Variants in ZC2HC1A observed in about 807,000 individuals in gnomAD.
ZC2HC1A encodes zinc finger C2HC domain-containing protein 1A.
Under a neutral mutation model 40.7 loss-of-function variants are expected in ZC2HC1A, and 28 were observed. The observed-to-expected ratio is 0.69, with a 90% CI of 0.51 to 0.94. ZC2HC1A has a LOEUF of 0.94. Among genes scored for constraint, ZC2HC1A ranks in the 40% least tolerant of loss-of-function variants. The pLI is 0.00. For synonymous variants in ZC2HC1A, 129 were observed against 129.2 expected, an observed-to-expected ratio of 1.00 and a Z score of 0.01; for missense variants, 389 against 386.3, an observed-to-expected ratio of 1.01 and a Z score of -0.06.
intron 1 of ZC2HC1A, among the ~76,000 whole-genome samples, chr8:78,674,423 G>A (rs1434154903): frequency 6.6e-6 from 1 of 152,162 alleles, no homozygotes; most frequent in Admixed American, 6.5e-5. Context: ...TGATGTTACT[G>A]AGACCATCAT....
At chr8:78,666,431 C>T (rs987049606) in intron 1 of ZC2HC1A, among the ~76,000 whole-genome samples, 6 of 152,224 alleles carry the variant, frequency 3.9e-5, no homozygotes, top group Non-Finnish European at 8.8e-5. Context: ...GACGCCTGCA[C>T]GTCTCTTCCT....
In ZC2HC1A at chr8:78,718,715, A is replaced by G. The variant is rs1811178327; in HGVS notation, c.*1222A>G. ...TTTTTCTCTTTAACCTGATCACGAC[A>G]CAGCTCTTAATCATTGTCACTTTCA... On this transcript the variant is annotated 3_prime_UTR_variant, in exon 9 of 9. Coordinates refer to ENST00000263849, the MANE Select transcript of ZC2HC1A (RefSeq NM_016010.3). The G allele has an allele frequency of 1.3e-5, 2 of 152,014 alleles. No homozygotes were observed. Among genetic ancestry groups the G allele is most frequent in the South Asian group, 4.1e-4 (2 of 4,834 alleles). The allele number at this position is 152,014 out of a possible 1,614,324, so 9.4% of individuals were successfully genotyped here.
chr8:78,704,344 C>T (rs1366219334), intron 7 of ZC2HC1A, among the ~76,000 whole-genome samples: 4 of 148,164 alleles, frequency 2.7e-5, no homozygotes, highest in Non-Finnish European at 4.4e-5. Flanking sequence ...GCCGAGATTG[C>T]GCCATTGTAC....
chr8:78,666,181 A>T lies in ZC2HC1A; in HGVS notation c.16+17A>T. Reference sequence around the variant, plus strand: ...GACTGGAAGGTGAGGCGATGAAGGGATGAGGGCAGGACGGCTAGAGCGGGC... The same window carrying T: ...GACTGGAAGGTGAGGCGATGAAGGGTTGAGGGCAGGACGGCTAGAGCGGGC... On this transcript the variant is annotated intron_variant, in intron 1 of 8. Coordinates refer to ENST00000263849, the MANE Select transcript of ZC2HC1A (RefSeq NM_016010.3). The T allele has an allele frequency of 1.3e-6, 2 of 1,573,590 alleles. No individual in the cohort carries two copies. Among genetic ancestry groups the T allele is most frequent in the South Asian group, 1.2e-5 (1 of 85,538 alleles).
intron 7 of ZC2HC1A, 72 bp downstream of exon 7, chr8:78,698,585 A>C (rs1027932785): frequency 4.2e-6 from 5 of 1,177,886 alleles, no homozygotes; most frequent in Non-Finnish European, 5.8e-6. Context: ...ATGTTTTGAT[A>C]ATTGCTTTTT....
chr8:78,678,507 T>C, intron 2 of ZC2HC1A, 56 bp from the exon 3 acceptor site: 1 of 1,371,830 alleles, frequency 7.3e-7, no homozygotes, highest in Non-Finnish European at 1.0e-6. Flanking sequence ...TAAAGTTCTG[T>C]AGTCTTACCT....
rs1811147692 is a variant in ZC2HC1A at position 78,717,583 on chromosome 8, G to A, written c.*90G>A. ...AGAGCACATCCTCTAGTTAGTTTGT[G>A]CTAAAAATACTCGAAATACCATTTC... is the stretch of plus-strand genomic sequence containing the variant. On this transcript the variant is annotated 3_prime_UTR_variant, in exon 9 of 9. Coordinates refer to ENST00000263849, the MANE Select transcript of ZC2HC1A (RefSeq NM_016010.3). 2 of 1,379,296 alleles carry A rather than the reference G, an allele frequency of 1.5e-6. No homozygotes were observed. Among genetic ancestry groups the A allele is most frequent in the East Asian group, 4.6e-5 (2 of 43,246 alleles). 85.4% of individuals were successfully genotyped at this position (1,379,296 alleles called of 1,614,324 possible).
At position 78,704,210 on chromosome 8, in the gene ZC2HC1A, T is replaced by A. The variant is rs575054750; in HGVS notation, c.704+5697T>A. Among the ~76,000 whole-genome samples, 4 of 151,866 alleles carry A rather than the reference T, an allele frequency of 2.6e-5. No homozygotes were observed. In the South Asian group the frequency reaches 8.3e-4, roughly 32 times the overall value. ...CAGCCTGACCAATGTGGTGAAAGCCTGTCTCTATTTAAAAAAAAAATACAA... is the reference window on the plus strand; with the variant it reads ...CAGCCTGACCAATGTGGTGAAAGCCAGTCTCTATTTAAAAAAAAAATACAA... On this transcript the variant is annotated intron_variant, in intron 7 of 8. Coordinates refer to ENST00000263849, the MANE Select transcript of ZC2HC1A (RefSeq NM_016010.3).
rs1035910888 is a variant in ZC2HC1A at position 78,718,743 on chromosome 8, A to G, written c.*1250A>G. On this transcript the variant is annotated 3_prime_UTR_variant, in exon 9 of 9. Coordinates refer to ENST00000263849, the MANE Select transcript of ZC2HC1A (RefSeq NM_016010.3). ...GCTCTTAATCATTGTCACTTTCAGT[A>G]TATCATAGTAGTTAGTAGTAGATTG... 4.6e-5 allele frequency: 7 copies of G among 151,902 alleles called. No individual in the cohort carries two copies. The highest frequency in any genetic ancestry group is 1.7e-4 in the African/African-American group (7 of 41,460). 9.4% of individuals were successfully genotyped at this position (151,902 alleles called of 1,614,324 possible).
intron 1 of ZC2HC1A, 127 bp downstream of exon 1, chr8:78,666,291 C>G: frequency 6.9e-7 from 1 of 1,456,810 alleles, no homozygotes; most frequent in Non-Finnish European, 9.3e-7. Flanking sequence ...TCCCGCCGCG[C>G]CTCCGGAGGC....
chr8:78,685,583 A>G (rs1184121769), intron 3 of ZC2HC1A, among the ~76,000 whole-genome samples: 1 of 152,254 alleles, frequency 6.6e-6, no homozygotes, highest in South Asian at 2.1e-4. Flanking sequence ...TTAAAGGCCA[A>G]TAACTCAACA....
chr8:78,687,702 TTA>T (rs67618117), intron 4 of ZC2HC1A, among the ~76,000 whole-genome samples: 642 of 47,718 alleles, frequency 0.013, 141 homozygotes, highest in South Asian at 0.041. Context: ...ACGTAATACA[TTA>T]TATATATATT....
Position 78,704,804 on chromosome 8 carries a change from CT to C in ZC2HC1A, c.704+6298del, listed in dbSNP as rs1467366933. ...GAGCTTTTGTTCATTCCTTTTCATCCTTTTTTTCTCTATTCTTGTCAGCGTG... is the reference window on the plus strand; with the variant it reads ...GAGCTTTTGTTCATTCCTTTTCATCCTTTTTTCTCTATTCTTGTCAGCGTG... On this transcript the variant is annotated intron_variant, in intron 7 of 8. Coordinates refer to ENST00000263849, the MANE Select transcript of ZC2HC1A (RefSeq NM_016010.3). 2.0e-5 allele frequency among the ~76,000 whole-genome samples: 3 copies of C among 152,106 alleles called. No homozygotes were observed. The East Asian group carries it at 5.8e-4, about 29-fold the overall frequency.
chr8:78,700,113 A>G (rs1586015535), intron 7 of ZC2HC1A, among the ~76,000 whole-genome samples: 1 of 151,992 alleles, frequency 6.6e-6, no homozygotes, highest in Non-Finnish European at 1.5e-5. Flanking sequence ...TTTCTCCACA[A>G]CCTCACCAGT....
At chr8:78,703,081 G>A (rs34540619) in intron 7 of ZC2HC1A, among the ~76,000 whole-genome samples, 8,732 of 151,978 alleles carry the variant, frequency 0.057, 374 homozygotes, top group Middle Eastern at 0.11. Flanking sequence ...ATTTTTAGTA[G>A]AGATAGGGTT....
chr8:78,675,979 A>G (rs1453568877), intron 2 of ZC2HC1A, 116 bp downstream of exon 2: 1 of 784,826 alleles, frequency 1.3e-6, no homozygotes, highest in Non-Finnish European at 2.0e-6. Context: ...GTTAATGGGT[A>G]CTATTCTTTG....
In ZC2HC1A at chr8:78,712,803, A is replaced by C. The variant is rs189774486; in HGVS notation, c.705-2418A>C. On this transcript the variant is annotated intron_variant, in intron 7 of 8. Coordinates refer to ENST00000263849, the MANE Select transcript of ZC2HC1A (RefSeq NM_016010.3). ...TTTAAATATGAAATTAGGGCCTAAAAATTAATATACCTATTAATGGTGGAA... is the reference window on the plus strand; with the variant it reads ...TTTAAATATGAAATTAGGGCCTAAACATTAATATACCTATTAATGGTGGAA... Among the ~76,000 whole-genome samples the C allele has an allele frequency of 2.8e-3, 429 of 152,288 alleles. 2 individuals carry two copies. The highest frequency in any genetic ancestry group is 2.6e-3 in the Non-Finnish European group (178 of 68,014).
At chr8:78,667,781 T>C (rs1585970839) in intron 1 of ZC2HC1A, among the ~76,000 whole-genome samples, 2 of 152,118 alleles carry the variant, frequency 1.3e-5, no homozygotes, top group South Asian at 4.1e-4. Flanking sequence ...TGCTAAGATA[T>C]TACTATTGAA....
intron 7 of ZC2HC1A, among the ~76,000 whole-genome samples, chr8:78,700,762 T>A (rs1157941652): frequency 6.6e-6 from 1 of 152,234 alleles, no homozygotes; most frequent in African/African-American, 2.4e-5. Flanking sequence ...AAATAGGGAA[T>A]CCTTTTTCCA....
Sources: gnomAD v4.1 joint callset for allele counts (sites outside exome capture counted in the v4.1 genomes callset) on GRCh38, gnomAD v4.1.1 for gene constraint, MANE v1.5 for transcripts, NCBI Gene and HGNC (gene_info 2026-07-23, HGNC 2026-07-21) for gene names.